Variants in HYCC1 observed in about 807,000 individuals in gnomAD.
HYCC1 encodes the protein hyccin.
At chr7:23,004,576 T>C in the HYCC1 span, among the ~76,000 whole-genome samples, 32 of 152,312 alleles carry the variant, frequency 2.1e-4, no homozygotes, top group African/African-American at 7.0e-4. Context: ...AGTCTTATTT[T>C]TCTTTACATG....
At chr7:22,916,494 C>T in the HYCC1 span, among the ~76,000 whole-genome samples, 11 of 152,160 alleles carry the variant, frequency 7.2e-5, no homozygotes, top group African/African-American at 2.2e-4. Flanking sequence ...AGTACAGGGC[C>T]GTGCAGTCAA....
At chr7:23,003,305 C>T in the HYCC1 span, among the ~76,000 whole-genome samples, 8 of 151,236 alleles carry the variant, frequency 5.3e-5, no homozygotes, top group Admixed American at 2.6e-4. Context: ...AAAATGAATA[C>T]GACATAGCTG....
chr7:22,983,725 T>A, the HYCC1 span: 1 of 521,278 alleles, frequency 1.9e-6, no homozygotes, highest in Non-Finnish European at 3.4e-6. Flanking sequence ...CAAAGCTACC[T>A]CTAGCGAGAG....
the HYCC1 span, among the ~76,000 whole-genome samples, chr7:22,922,920 A>G: frequency 6.6e-6 from 1 of 152,256 alleles, no homozygotes; most frequent in African/African-American, 2.4e-5. Flanking sequence ...TGTGAAGTAA[A>G]AAATGAGAAT....
chr7:23,014,077 C>T, the HYCC1 span: 3 of 470,336 alleles, frequency 6.4e-6, no homozygotes, highest in Non-Finnish European at 1.3e-5. Context: ...CTTCCCCCTC[C>T]TCTCACTGAC....
the HYCC1 span, among the ~76,000 whole-genome samples, chr7:22,952,271 T>A: frequency 6.6e-6 from 1 of 151,940 alleles, no homozygotes; most frequent in Non-Finnish European, 1.5e-5. Context: ...TAATAGGGGA[T>A]AAAAGTACTT....
the HYCC1 span, among the ~76,000 whole-genome samples, chr7:22,916,846 G>A: frequency 5.2e-4 from 79 of 152,122 alleles, no homozygotes; most frequent in African/African-American, 1.8e-3. Flanking sequence ...GCCTTAACTC[G>A]GGCCCTCACT....
the HYCC1 span, among the ~76,000 whole-genome samples, chr7:22,916,879 A>G: frequency 1.1e-3 from 163 of 152,312 alleles, no homozygotes; most frequent in African/African-American, 3.6e-3. Context: ...CTATGTGTTA[A>G]TATTTATACT....
the HYCC1 span, chr7:22,976,064 T>A: frequency 1.6e-6 from 1 of 632,978 alleles, no homozygotes; most frequent in Non-Finnish European, 2.8e-6. Context: ...GAACTTTCCA[T>A]GTGTTGGGTA....
the HYCC1 span, chr7:22,960,452 C>A: frequency 6.7e-7 from 1 of 1,493,590 alleles, no homozygotes; most frequent in South Asian, 1.1e-5. Flanking sequence ...TCAACATGAG[C>A]AGATAGAGCA....
the HYCC1 span, among the ~76,000 whole-genome samples, chr7:23,002,156 A>ACAAT: frequency 2.5e-4 from 6 of 24,432 alleles, no homozygotes; most frequent in African/African-American, 6.1e-4. Flanking sequence ...ATATATATAT[A>ACAAT]TATATATATA....
the HYCC1 span, among the ~76,000 whole-genome samples, chr7:22,975,361 A>G: frequency 6.6e-6 from 1 of 152,244 alleles, no homozygotes; most frequent in Non-Finnish European, 1.5e-5. Flanking sequence ...TCAACCAATC[A>G]GGAAATCATA....
the HYCC1 span, chr7:22,978,056 C>T: frequency 1.7e-6 from 1 of 600,038 alleles, no homozygotes; most frequent in African/African-American, 1.9e-5. Context: ...GTCTGATTTT[C>T]AACCTTCAAT....
chr7:22,947,258 AGAT>A, the HYCC1 span: 19 of 1,547,282 alleles, frequency 1.2e-5, no homozygotes, highest in African/African-American at 8.2e-5. Context: ...CTAGAATTGA[AGAT>A]GATAAGACAA....
the HYCC1 span, among the ~76,000 whole-genome samples, chr7:22,996,597 T>TTAAAA: frequency 9.4e-6 from 1 of 106,554 alleles, no homozygotes; most frequent in Non-Finnish European, 1.8e-5. Context: ...GTACAATTGT[T>TTAAAA]AAAAAAAAAA....
the HYCC1 span, among the ~76,000 whole-genome samples, chr7:22,908,324 T>C: frequency 6.6e-6 from 1 of 152,220 alleles, no homozygotes; most frequent in African/African-American, 2.4e-5. Flanking sequence ...CACTATATAC[T>C]CAATTTAAGT....
chr7:22,980,438 T>G, the HYCC1 span, among the ~76,000 whole-genome samples: 1 of 152,142 alleles, frequency 6.6e-6, no homozygotes, highest in African/African-American at 2.4e-5. Flanking sequence ...AAATAAATTT[T>G]GAGTTCTGAA....
chr7:22,999,798 A>G, the HYCC1 span, among the ~76,000 whole-genome samples: 1 of 152,206 alleles, frequency 6.6e-6, no homozygotes, highest in African/African-American at 2.4e-5. Context: ...ATAGTAAAAT[A>G]TGATCTGTGT....
At chr7:22,914,328 C>T in the HYCC1 span, among the ~76,000 whole-genome samples, 23 of 152,316 alleles carry the variant, frequency 1.5e-4, no homozygotes, top group East Asian at 3.9e-4. Context: ...CCCCCTTCTC[C>T]GTGTCTCTAC....
Sources: allele counts gnomAD v4.1 joint callset (sites outside exome capture counted in the v4.1 genomes callset), GRCh38; gene constraint gnomAD v4.1.1; transcripts MANE v1.5; gene names NCBI Gene and HGNC (gene_info 2026-07-23, HGNC 2026-07-21).